LZIC: variants seen among roughly 807,000 people sequenced by gnomAD.
LZIC encodes leucine zipper and CTNNBIP1 domain containing, also known as protein LZIC.
A neutral mutation model predicts 25.4 loss-of-function variants in LZIC; 28 were observed. That is an observed-to-expected ratio of 1.10 (90% CI 0.82 to 1.51). The LOEUF is 1.51. LZIC is among the 40% of genes most tolerant of loss of function. The probability of loss-of-function intolerance (pLI) is 0.00; values close to 1 mark genes in which losing one functional copy is unlikely to be tolerated. For missense variants in LZIC, 170 were observed against 211.1 expected (o/e 0.81, Z 1.21); for synonymous variants, 65 against 70.7 (o/e 0.92, Z 0.40).
intron 7 of LZIC, among the ~76,000 whole-genome samples, chr1:9,931,609 G>A (rs1483077804): frequency 1.3e-5 from 2 of 152,122 alleles, no homozygotes; most frequent in East Asian, 3.8e-4. Context: ...TCACCATGTT[G>A]CCCAGGCTGG....
intron 6 of LZIC, 111 bp downstream of exon 6, chr1:9,932,685 GAAAAAAA>G (rs34009055): frequency 4.2e-5 from 12 of 282,926 alleles, no homozygotes; most frequent in Non-Finnish European, 6.6e-5. Context: ...CTCCGTCTCA[GAAAAAAA>G]AAAAAAAAAA....
In LZIC at chr1:9,928,936, A is replaced by G. The variant is rs1047208500; in HGVS notation, c.*1463T>C. 11 of 152,156 alleles carry G rather than the reference A, an allele frequency of 7.2e-5. No homozygotes were observed. The highest frequency in any genetic ancestry group is 7.2e-4 in the Admixed American group (11 of 15,256). The allele number at this position is 152,156 out of a possible 1,614,324, so 9.4% of individuals were successfully genotyped here. ...GAAGCCAGATACATAAAAAGGTCAC[A>G]TATCATATGATTCCATTTATATGAA... On this transcript the variant is annotated 3_prime_UTR_variant, in exon 8 of 8. Coordinates refer to ENST00000377223, the MANE Select transcript of LZIC (RefSeq NM_032368.5).
rs539912879 is a variant in LZIC at position 9,927,211 on chromosome 1, A to G, written c.*3188T>C. ...TAAATTGAGTACTCTTACTTACAAA[A>G]TGAACACATTAATGTGATAATTGAC... On this transcript the variant is annotated 3_prime_UTR_variant, in exon 8 of 8. Coordinates refer to ENST00000377223, the MANE Select transcript of LZIC (RefSeq NM_032368.5). Among the ~76,000 whole-genome samples, 138 of 152,372 alleles carry G rather than the reference A, an allele frequency of 9.1e-4. 1 individual carries two copies. Among genetic ancestry groups the G allele is most frequent in the African/African-American group, 3.1e-3 (129 of 41,592 alleles).
intron 2 of LZIC, among the ~76,000 whole-genome samples, chr1:9,940,059 C>T (rs977779433): frequency 2.0e-5 from 3 of 151,890 alleles, no homozygotes; most frequent in Admixed American, 6.6e-5. Context: ...GCAGAGGTTG[C>T]AGTGAGCTGA....
chr1:9,935,957 C>A (rs1640435484), intron 3 of LZIC, among the ~76,000 whole-genome samples: 1 of 152,020 alleles, frequency 6.6e-6, no homozygotes, highest in African/African-American at 2.4e-5. Flanking sequence ...TGGTAAAACC[C>A]CGTCTCTACT....
chr1:9,923,518 CTTTTTTTTTT>C (rs60858066), downstream of LZIC, among the ~76,000 whole-genome samples: 12 of 74,166 alleles, frequency 1.6e-4, no homozygotes, highest in East Asian at 4.2e-4. Context: ...CCCAATGCTT[CTTTTTTTTTT>C]TTTTTTTTTT....
At chr1:9,925,157 CAAA>C (rs35578033), downstream of LZIC, among the ~76,000 whole-genome samples, 5 of 101,294 alleles carry the variant, frequency 4.9e-5, no homozygotes, top group South Asian at 2.9e-4. Flanking sequence ...ACTAAAAATA[CAAA>C]AAAAAAAAAA....
chr1:9,933,354 GATTA>G (rs1640321507), intron 5 of LZIC, among the ~76,000 whole-genome samples: 1 of 144,006 alleles, frequency 6.9e-6, no homozygotes, highest in Non-Finnish European at 1.5e-5. Context: ...TCCTCTAGCT[GATTA>G]ATATTATAAA....
At chr1:9,936,919 C>G (rs2101602638) in intron 2 of LZIC, among the ~76,000 whole-genome samples, 1 of 152,166 alleles carries the variant, frequency 6.6e-6, no homozygotes, top group East Asian at 1.9e-4. Context: ...ATCACAAGGT[C>G]AGGAGATCAA....
At chr1:9,932,645 T>C (rs1303578471) in intron 6 of LZIC, among the ~76,000 whole-genome samples, 158 bp downstream of exon 6, 1 of 139,196 alleles carries the variant, frequency 7.2e-6, no homozygotes, top group African/African-American at 2.7e-5. Context: ...ATCGCACCAT[T>C]GCACTCCAGC....
chr1:9,939,593 A>C (rs1371395119), intron 2 of LZIC, among the ~76,000 whole-genome samples: 16 of 124,638 alleles, frequency 1.3e-4, no homozygotes, highest in African/African-American at 4.6e-4. Flanking sequence ...GTGTTTCGCC[A>C]TGTTGGCCTT....
intron 2 of LZIC, among the ~76,000 whole-genome samples, chr1:9,937,835 G>A (rs538757855): frequency 3.6e-5 from 4 of 109,996 alleles, no homozygotes; most frequent in South Asian, 3.8e-4. Context: ...TTGACAGAGC[G>A]AGACCCTGAC....
rs753404734 is a variant in LZIC, at chr1:9,932,886, G to C, written c.349C>G (p.Leu117Val). The change falls in exon 6 of 8, where the codon CTG becomes GTG. Residue 117 changes from leucine to valine, a missense_variant. Leu to Val is a conservative substitution (Grantham distance 32). Coordinates refer to ENST00000377223, the MANE Select transcript of LZIC (RefSeq NM_032368.5). ...RTRLAEMDRD[L>V]MVGKLERDLY... is the part of the protein sequence containing the mutation. ...TCTCTTTCCAGCTTTCCTACCATCAGATCTCTATCCATCTAAAACGTATGA... is the reference window on the plus strand; with the variant it reads ...TCTCTTTCCAGCTTTCCTACCATCACATCTCTATCCATCTAAAACGTATGA... 6.8e-6 allele frequency: 11 copies of C among 1,607,252 alleles called. No homozygotes were observed. In the Admixed American group the frequency reaches 1.7e-4, roughly 24 times the overall value.
At position 9,929,282 on chromosome 1, in the gene LZIC, A is replaced by G. The variant is rs938908973; in HGVS notation, c.*1117T>C. 1 of 981,396 alleles carries G rather than the reference A, an allele frequency of 1.0e-6. No individual in the cohort carries two copies. Among genetic ancestry groups the G allele is most frequent in the African/African-American group, 1.7e-5 (1 of 57,260 alleles). The allele number at this position is 981,396 out of a possible 1,614,324, so 60.8% of individuals were successfully genotyped here. A position where few individuals can be genotyped will look rare whatever the true frequency, so the allele number is the denominator to read the frequency against. ...ACCTAGTAGTTTACAGTACAGAAGA[A>G]GCTTTAAAAATGCTTTTAATTTGTA... On this transcript the variant is annotated 3_prime_UTR_variant, in exon 8 of 8. Coordinates refer to ENST00000377223, the MANE Select transcript of LZIC (RefSeq NM_032368.5).
rs1640097950 is a variant in LZIC at position 9,928,859 on chromosome 1, T to G, written c.*1540A>C. ...CCAGCCTGGGCAATAAGAGTAAAACTCTGTCTCAAAAAAAAAAAAAAAAAG... is the reference window on the plus strand; with the variant it reads ...CCAGCCTGGGCAATAAGAGTAAAACGCTGTCTCAAAAAAAAAAAAAAAAAG... On this transcript the variant is annotated 3_prime_UTR_variant, in exon 8 of 8. Transcript: ENST00000377223. 1 of 119,006 alleles carries G rather than the reference T, an allele frequency of 8.4e-6. No homozygotes were observed. The highest frequency in any genetic ancestry group is 3.0e-5 in the African/African-American group (1 of 33,562). The allele number at this position is 119,006 out of a possible 1,614,324, so 7.4% of individuals were successfully genotyped here.
In LZIC at chr1:9,927,447, G is replaced by A. The variant is rs562791191; in HGVS notation, c.*2952C>T. Reference sequence around the variant, plus strand: ...TTCCTGAGTAGCTGGGACCACAAGTGCATGCCATCACGCCTGGCTAATTTT... The same window carrying A: ...TTCCTGAGTAGCTGGGACCACAAGTACATGCCATCACGCCTGGCTAATTTT... On this transcript the variant is annotated 3_prime_UTR_variant, in exon 8 of 8. Coordinates refer to ENST00000377223, the MANE Select transcript of LZIC (RefSeq NM_032368.5). Among the ~76,000 whole-genome samples, 2 of 151,034 alleles carry A rather than the reference G, an allele frequency of 1.3e-5. No individual in the cohort carries two copies. Among genetic ancestry groups the A allele is most frequent in the East Asian group, 1.9e-4 (1 of 5,150 alleles).
chr1:9,935,221 G>A (rs1640402546), intron 4 of LZIC, among the ~76,000 whole-genome samples: 1 of 152,096 alleles, frequency 6.6e-6, no homozygotes, highest in Non-Finnish European at 1.5e-5. Context: ...CTGAGGTTGG[G>A]AGTTCAAGAC....
At chr1:9,923,995 A>G (rs1198919259), downstream of LZIC, among the ~76,000 whole-genome samples, 1 of 151,778 alleles carries the variant, frequency 6.6e-6, no homozygotes, top group Non-Finnish European at 1.5e-5. Context: ...CAGGTGATCC[A>G]CCCACCTCAG....
In LZIC at chr1:9,942,612, A is replaced by G; in HGVS notation, c.-9+12T>C. 1 of 1,255,286 alleles carries G rather than the reference A, an allele frequency of 8.0e-7. No individual in the cohort carries two copies. Among genetic ancestry groups the G allele is most frequent in the African/African-American group, 1.5e-5 (1 of 65,138 alleles). 77.8% of individuals were successfully genotyped at this position (1,255,286 alleles called of 1,614,324 possible). A position where few individuals can be genotyped will look rare whatever the true frequency, so the allele number is the denominator to read the frequency against. ...ACTATATCTGGAGCGGAGGGTCCTC[A>G]TTCATGCTCACCTGTCTCTTAGTAC... On this transcript the variant is annotated intron_variant, in intron 2 of 7. Coordinates refer to ENST00000377223, the MANE Select transcript of LZIC (RefSeq NM_032368.5).
Sources: gnomAD v4.1 joint callset for allele counts (sites outside exome capture counted in the v4.1 genomes callset) on GRCh38, gnomAD v4.1.1 for gene constraint, MANE v1.5 for transcripts, NCBI Gene and HGNC (gene_info 2026-07-23, HGNC 2026-07-21) for gene names.